Variants in TMTC4 observed in about 807,000 individuals in gnomAD.
TMTC4 encodes protein O-mannosyl-transferase TMTC4.
A neutral mutation model predicts 86.0 loss-of-function variants in TMTC4; 65 were observed. That is an observed-to-expected ratio of 0.76 (90% CI 0.62 to 0.93). The LOEUF (loss-of-function observed/expected upper bound fraction) is 0.93, where lower values mean the gene tolerates loss of function less well. Among genes scored for constraint, TMTC4 ranks in the 40% least tolerant of loss-of-function variants. The pLI is 0.00. For missense variants in TMTC4, 866 were observed against 948.1 expected (o/e 0.91, Z 1.14); for synonymous variants, 379 against 382.5 (o/e 0.99, Z 0.11).
At position 100,674,047 on chromosome 13, in the gene TMTC4, A is replaced by G; in HGVS notation, c.-208+697T>C. 5.1e-6 allele frequency: 5 copies of G among 985,228 alleles called. No individual in the cohort carries two copies. The South Asian group carries it at 2.3e-4, about 46-fold the overall frequency. The allele number at this position is 985,228 out of a possible 1,614,324, so 61.0% of individuals were successfully genotyped here. On this transcript the variant is annotated intron_variant, in intron 1 of 18. Coordinates refer to ENST00000342624, the MANE Select transcript of TMTC4 (RefSeq NM_032813.5). Reference sequence around the variant, plus strand: ...AAAGAAAAACACACACGCAGCCCATAGCCACAACATCAACAAGACCAGAAG... The same window carrying G: ...AAAGAAAAACACACACGCAGCCCATGGCCACAACATCAACAAGACCAGAAG...
At position 100,637,534 on chromosome 13, in the gene TMTC4, T is replaced by C; in HGVS notation, c.999+4A>G. ...GTCCAGGGGGCGGCAGGCTCAGAAC[T>C]CACCCTCACCAGCATGCTGTCAGCA... On this transcript the variant is annotated splice_donor_region_variant and intron_variant, in intron 9 of 18. Coordinates refer to ENST00000342624, the MANE Select transcript of TMTC4 (RefSeq NM_032813.5). 1 of 1,610,988 alleles carries C rather than the reference T, an allele frequency of 6.2e-7. No individual in the cohort carries two copies. Among genetic ancestry groups the C allele is most frequent in the Non-Finnish European group, 8.5e-7 (1 of 1,178,318 alleles).
At chr13:100,612,686 CACACACACG>C (rs1253120603) in intron 16 of TMTC4, among the ~76,000 whole-genome samples, 176 bp from the exon 17 acceptor site, 4 of 140,744 alleles carry the variant, frequency 2.8e-5, no homozygotes, top group East Asian at 1.9e-4. Flanking sequence ...CACACACACA[CACACACACG>C]ACGTTATCAG....
intron 5 of TMTC4, among the ~76,000 whole-genome samples, chr13:100,657,901 C>T (rs1470275249): frequency 2.6e-5 from 4 of 152,128 alleles, no homozygotes; most frequent in Non-Finnish European, 5.9e-5. Flanking sequence ...CTGTGACCTC[C>T]TGATGGTTGG....
Position 100,614,360 on chromosome 13 carries a change from T to C in TMTC4, c.1907A>G (p.His636Arg), listed in dbSNP as rs147952663. 6 of 1,613,910 alleles carry C rather than the reference T, an allele frequency of 3.7e-6. No homozygotes were observed. Among genetic ancestry groups the C allele is most frequent in the Non-Finnish European group, 4.2e-6 (5 of 1,180,006 alleles). ...AATCATGTTGTTCCAGGCCAGGCTGTGCTCTGGTTTCAGCACGGTGGCATT... is the reference window on the plus strand; with the variant it reads ...AATCATGTTGTTCCAGGCCAGGCTGCGCTCTGGTTTCAGCACGGTGGCATT... Reference protein sequence around the residue: ...WRNATVLKPEHSLAWNNMIIL... With the variant: ...WRNATVLKPERSLAWNNMIIL... The change falls in exon 16 of 19, where the codon CAC (histidine) becomes CGC (arginine). Residue 636 changes from histidine (H) to arginine (R), a missense_variant. Coordinates refer to ENST00000342624, the MANE Select transcript of TMTC4 (RefSeq NM_032813.5).
chr13:100,670,209 A>G (rs1255817587), intron 2 of TMTC4, 151 bp downstream of exon 2: 1 of 727,154 alleles, frequency 1.4e-6, no homozygotes, highest in African/African-American at 1.9e-5. Flanking sequence ...GGCAGTTTGG[A>G]TGTATTTGTT....
At chr13:100,669,755 T>C (rs973898229) in intron 2 of TMTC4, among the ~76,000 whole-genome samples, 1 of 152,064 alleles carries the variant, frequency 6.6e-6, no homozygotes, top group Non-Finnish European at 1.5e-5. Flanking sequence ...AATCTCAACC[T>C]ACCCCCAAAC....
chr13:100,668,379 T>G (rs1230228049), intron 3 of TMTC4, 200 bp downstream of exon 3: 2 of 589,564 alleles, frequency 3.4e-6, no homozygotes, highest in Non-Finnish European at 5.9e-6. Context: ...GAGGCAGGGG[T>G]TCAGAACCTT....
intron 15 of TMTC4, among the ~76,000 whole-genome samples, chr13:100,623,277 G>A (rs188271736): frequency 6.6e-6 from 1 of 152,356 alleles, no homozygotes; most frequent in East Asian, 1.9e-4. Flanking sequence ...CTGTTGCCCA[G>A]GCTGGAGTGC....
At chr13:100,616,366 C>A (rs1878504171) in intron 15 of TMTC4, among the ~76,000 whole-genome samples, 1 of 152,088 alleles carries the variant, frequency 6.6e-6, no homozygotes, top group South Asian at 2.1e-4. Context: ...CCATGCCCAG[C>A]TAATTTTTGT....
chr13:100,659,409 A>C (rs1298520376), intron 5 of TMTC4, among the ~76,000 whole-genome samples: 1 of 152,174 alleles, frequency 6.6e-6, no homozygotes, highest in African/African-American at 2.4e-5. Context: ...CTGGGACTCC[A>C]GGCATGCGCC....
chr13:100,614,479 C>A, intron 15 of TMTC4, 49 bp from the exon 16 acceptor site: 1 of 1,322,928 alleles, frequency 7.6e-7, no homozygotes, highest in East Asian at 2.3e-5. Flanking sequence ...TTCCTGCTTC[C>A]TCTTTCCAAG....
At chr13:100,630,014 C>A (rs1255801145) in intron 12 of TMTC4, among the ~76,000 whole-genome samples, 12 of 138,070 alleles carry the variant, frequency 8.7e-5, no homozygotes, top group Non-Finnish European at 1.7e-4. Context: ...TCTAAGCCAC[C>A]CAATCTGTGT....
Position 100,670,400 on chromosome 13 carries a change from A to C in TMTC4, c.-38T>G. ...CTGTCCCCTTCCAGGGGCCAGAAGG[A>C]GGCTCAGATTTACAATCCAGAGATG... is the stretch of plus-strand genomic sequence containing the variant. On this transcript the variant is annotated 5_prime_UTR_variant, in exon 2 of 19. Coordinates refer to ENST00000342624, the MANE Select transcript of TMTC4 (RefSeq NM_032813.5). 1.3e-6 allele frequency: 2 copies of C among 1,597,956 alleles called. No individual in the cohort carries two copies. The highest frequency in any genetic ancestry group is 1.7e-6 in the Non-Finnish European group (2 of 1,174,602).
At chr13:100,666,162 G>A (rs1886372949) in intron 3 of TMTC4, 1 of 417,072 alleles carries the variant, frequency 2.4e-6, no homozygotes. Context: ...AAGATGTATT[G>A]TGTCTAAAAT....
intron 6 of TMTC4, among the ~76,000 whole-genome samples, chr13:100,652,207 C>T (rs747564867): frequency 1.6e-4 from 24 of 152,060 alleles, no homozygotes; most frequent in Non-Finnish European, 2.9e-4. Context: ...GTGCTGGGCA[C>T]GGTGGCTCAG....
At position 100,604,333 on chromosome 13, in the gene TMTC4, C is replaced by T. The variant is rs1170838919; in HGVS notation, c.*661G>A. 1 of 152,576 alleles carries T rather than the reference C, an allele frequency of 6.6e-6. No individual in the cohort carries two copies. Among genetic ancestry groups the T allele is most frequent in the Admixed American group, 6.5e-5 (1 of 15,268 alleles). The allele number at this position is 152,576 out of a possible 1,614,324, so 9.5% of individuals were successfully genotyped here. On this transcript the variant is annotated 3_prime_UTR_variant, in exon 19 of 19. Transcript: ENST00000342624. ...GTAAAATATTACATTACATAATCTCCTGTGTATTGAAATTGCACAAGTCAG... is the reference window on the plus strand; with the variant it reads ...GTAAAATATTACATTACATAATCTCTTGTGTATTGAAATTGCACAAGTCAG...
intron 6 of TMTC4, among the ~76,000 whole-genome samples, chr13:100,651,724 T>C (rs1447803166): frequency 6.6e-6 from 1 of 152,174 alleles, no homozygotes; most frequent in Non-Finnish European, 1.5e-5. Context: ...GAATCATTAA[T>C]TTCAGAGTAC....
chr13:100,641,472 C>T (rs992644917), intron 7 of TMTC4, among the ~76,000 whole-genome samples: 6 of 151,792 alleles, frequency 4.0e-5, no homozygotes, highest in African/African-American at 1.4e-4. Flanking sequence ...GTTCCTTCAT[C>T]TTTTCCTTCT....
chr13:100,605,126 A>C lies in TMTC4; in HGVS notation c.2151T>G (p.Arg717=), dbSNP rs61995746. ...TCTTGGCCAAGTCTAGATGTCCCCA[A>C]CGATGATAAAGCACAGCTGAAATAG... ...YHGNLAVLYH[R]WGHLDLAKKH... Residue 717 remains arginine (R), a synonymous_variant, in exon 19 of 19, where the codon CGT becomes CGG. Transcript: ENST00000342624. The surrounding 1 kb of genome is among the most constrained non-coding windows in gnomAD (Gnocchi z 4.3). The C allele has an allele frequency of 1.2e-6, 2 of 1,611,656 alleles. No individual in the cohort carries two copies. Among genetic ancestry groups the C allele is most frequent in the African/African-American group, 2.7e-5 (2 of 74,802 alleles).
Sources: gnomAD v4.1 joint callset for allele counts (sites outside exome capture counted in the v4.1 genomes callset) on GRCh38, gnomAD v4.1.1 for gene constraint, Gnocchi (gnomAD v3.1) non-coding constraint, MANE v1.5 for transcripts, NCBI Gene and HGNC (gene_info 2026-07-23, HGNC 2026-07-21) for gene names.